The following WDR17 variants were observed in gnomAD, a reference collection of about 807,000 sequenced individuals.
WDR17 encodes WD repeat domain 17, also known as WD repeat-containing protein 17.
A neutral mutation model predicts 161.7 loss-of-function variants in WDR17; 143 were observed. That is an observed-to-expected ratio of 0.88 (90% CI 0.77 to 1.02). The LOEUF is 1.02. WDR17 is among the 50% of genes least tolerant of loss of function. WDR17 has a pLI of 0.00. For missense variants in WDR17, 1,469 were observed against 1,520.9 expected, an observed-to-expected ratio of 0.97 and a Z score of 0.57; for synonymous variants, 517 against 515.6, an observed-to-expected ratio of 1.00 and a Z score of -0.04.
chr4:176,144,328 C>A (rs1314831980), intron 11 of WDR17, among the ~76,000 whole-genome samples: 1 of 152,088 alleles, frequency 6.6e-6, no homozygotes, highest in African/African-American at 2.4e-5. Flanking sequence ...GGCTGTCTCA[C>A]CCTCTGAAAT....
intron 7 of WDR17, among the ~76,000 whole-genome samples, chr4:176,134,400 C>T (rs535262970): frequency 1.3e-5 from 2 of 151,894 alleles, no homozygotes; most frequent in South Asian, 2.1e-4. Context: ...ATGTTGGACT[C>T]TTAACGGATT....
chr4:176,121,709 A>G lies in WDR17; in HGVS notation c.538+1612A>G, dbSNP rs10000026. 8.5e-3 allele frequency among the ~76,000 whole-genome samples: 1,301 copies of G among 152,306 alleles called. 29 individuals carry two copies. Among genetic ancestry groups the G allele is most frequent in the African/African-American group, 0.029 (1,206 of 41,560 alleles). On this transcript the variant is annotated intron_variant, in intron 4 of 28. Coordinates refer to ENST00000508596, the MANE Select transcript of WDR17 (RefSeq NM_181265.4). The stretch of plus-strand genomic sequence containing the variant: ...TCATCTTTGAAAGTTTCAAGCCATA[A>G]GACATTGAGACTTTTTATTGTGTAT...
chr4:176,167,675 A>G (rs992481033), intron 22 of WDR17, among the ~76,000 whole-genome samples: 2 of 150,256 alleles, frequency 1.3e-5, no homozygotes, highest in South Asian at 2.1e-4. Context: ...AAAAAAAACA[A>G]TATCTTGAAT....
At chr4:176,103,218 G>T (rs1738099743) in intron 1 of WDR17, among the ~76,000 whole-genome samples, 1 of 152,096 alleles carries the variant, frequency 6.6e-6, no homozygotes, top group African/African-American at 2.4e-5. Context: ...ATGAACAGAG[G>T]ACACAGGTTC....
In WDR17 at chr4:176,119,964, A is replaced by G. The variant is rs371924905; in HGVS notation, c.405A>G (p.Pro135=). The G allele has an allele frequency of 6.2e-7, 1 of 1,614,100 alleles. No homozygotes were observed. Residue 135 remains proline, a synonymous_variant, in exon 4 of 29, where the codon CCA becomes CCG. Transcript: ENST00000508596. ...GPLFIWTISG[P]DSGVIVHKDA... ...TGTTCATTTGGACCATCTCAGGACC[A>G]GATAGTGGAGTGATTGTACACAAAG...
chr4:176,096,355 G>T, intron 1 of WDR17: 5 of 421,750 alleles, frequency 1.2e-5, no homozygotes, highest in South Asian at 7.6e-5. Context: ...AATTAAAATT[G>T]TTTCAGCTGA....
At chr4:176,142,272 A>G (rs747420747) in intron 11 of WDR17, among the ~76,000 whole-genome samples, 9 of 152,196 alleles carry the variant, frequency 5.9e-5, no homozygotes, top group Non-Finnish European at 8.8e-5. Context: ...ATGATTTACA[A>G]ATATTGATTT....
intron 3 of WDR17, 32 bp from the exon 4 acceptor site, chr4:176,119,834 CT>C: frequency 1.3e-6 from 2 of 1,571,860 alleles, no homozygotes; most frequent in Non-Finnish European, 1.8e-6. Context: ...TATGCTGTAT[CT>C]TTATTATGTA....
chr4:176,138,427 A>C (rs1258741274), intron 9 of WDR17, among the ~76,000 whole-genome samples: 1 of 151,668 alleles, frequency 6.6e-6, no homozygotes. Context: ...TTTTAGGAAA[A>C]CTTTAGAGAC....
At chr4:176,091,267 A>G (rs1468850478) in intron 1 of WDR17, among the ~76,000 whole-genome samples, 1 of 152,236 alleles carries the variant, frequency 6.6e-6, no homozygotes, top group African/African-American at 2.4e-5. Context: ...GTCTTAAAAA[A>G]TTCAAAAGAG....
rs567175281 is a variant in WDR17 at position 176,152,286 on chromosome 4, C to A, written c.2460+319C>A. Reference sequence around the variant, plus strand: ...CTCCAGCCTGGGCTACAGAAAGAGACCCTATCTCAAAAAAAAAAAAAAAAA... The same window carrying A: ...CTCCAGCCTGGGCTACAGAAAGAGAACCTATCTCAAAAAAAAAAAAAAAAA... On this transcript the variant is annotated intron_variant, in intron 17 of 28. Transcript: ENST00000508596. 1.2e-4 allele frequency among the ~76,000 whole-genome samples: 6 copies of A among 49,232 alleles called. No homozygotes were observed. In the South Asian group the frequency reaches 3.5e-3, roughly 29 times the overall value. 32.3% of individuals were successfully genotyped at this position (49,232 alleles called of 152,430 possible). A position where few individuals can be genotyped will look rare whatever the true frequency, so the allele number is the denominator to read the frequency against.
rs1214403053 is a variant in WDR17, at chr4:176,181,077, TAAC to T, written c.*1501_*1503del. The T allele has an allele frequency of 6.6e-6, 1 of 152,148 alleles. No individual in the cohort carries two copies. The highest frequency in any genetic ancestry group is 1.5e-5 in the Non-Finnish European group (1 of 68,014). The allele number at this position is 152,148 out of a possible 1,614,324, so 9.4% of individuals were successfully genotyped here. A position where few individuals can be genotyped will look rare whatever the true frequency, so the allele number is the denominator to read the frequency against. On this transcript the variant is annotated 3_prime_UTR_variant, in exon 29 of 29. Coordinates refer to ENST00000508596, the MANE Select transcript of WDR17 (RefSeq NM_181265.4). ...ATTTAAAATATTTTTAAAACCTTCT[TAAC>T]AAAACTTCTTAAAACTGGAAAAAAT...
At chr4:176,131,873 T>A in intron 7 of WDR17, 135 bp downstream of exon 7, 2 of 686,916 alleles carry the variant, frequency 2.9e-6, no homozygotes, top group Non-Finnish European at 4.3e-6. Flanking sequence ...TTGTAGCTGG[T>A]TGAAACATTT....
intron 13 of WDR17, among the ~76,000 whole-genome samples, chr4:176,148,737 A>G (rs1441986122): frequency 7.2e-5 from 11 of 152,218 alleles, no homozygotes; most frequent in Non-Finnish European, 1.5e-4. Context: ...AGTAGATACC[A>G]CTTATTTAAC....
intron 1 of WDR17, among the ~76,000 whole-genome samples, chr4:176,074,550 G>A (rs1386740924): frequency 1.3e-5 from 2 of 151,838 alleles, no homozygotes; most frequent in Non-Finnish European, 2.9e-5. Context: ...TCGATTTCCT[G>A]GGTTCACGTG....
rs1356069486 is a variant in WDR17, at chr4:176,120,079, C to T, written c.520C>T (p.Leu174=). ...KVVFGHIDGS[L]SIFHPGNKNQ... is the part of the protein sequence containing the mutation. ...TGTGTTTGGTCATATTGATGGAAGT[C>T]TATCAATTTTTCATCCAGGTAAGAA... The change falls in exon 4 of 29, where the codon CTA becomes TTA. Residue 174 remains leucine, a synonymous_variant. Transcript: ENST00000508596. The T allele has an allele frequency of 1.1e-5, 18 of 1,613,090 alleles. No individual in the cohort carries two copies. The highest frequency in any genetic ancestry group is 1.5e-5 in the Non-Finnish European group (18 of 1,179,456).
At chr4:176,096,214 A>G (rs1736833235) in intron 1 of WDR17, among the ~76,000 whole-genome samples, 1 of 152,094 alleles carries the variant, frequency 6.6e-6, no homozygotes, top group African/African-American at 2.4e-5. Context: ...TGTTTCTTAT[A>G]AAAGTTAAAT....
Position 176,177,176 on chromosome 4 carries a change from A to G in WDR17, c.3548+20A>G, listed in dbSNP as rs1276750182. On this transcript the variant is annotated intron_variant, in intron 27 of 28. Coordinates refer to ENST00000508596, the MANE Select transcript of WDR17 (RefSeq NM_181265.4). The stretch of plus-strand genomic sequence containing the variant: ...CAACAGGTGAGCAAATATGATATAA[A>G]AATTGGAATGCAGAAGGTATTTGAT... 3.1e-6 allele frequency: 5 copies of G among 1,597,986 alleles called. No individual in the cohort carries two copies. The Admixed American group carries it at 8.4e-5, about 27-fold the overall frequency.
chr4:176,134,819 A>T (rs1233362329), intron 7 of WDR17, among the ~76,000 whole-genome samples: 1 of 151,670 alleles, frequency 6.6e-6, no homozygotes, highest in Non-Finnish European at 1.5e-5. Context: ...TATCTTTTGC[A>T]CTGAATTGAA....
Sources: allele counts gnomAD v4.1 joint callset (sites outside exome capture counted in the v4.1 genomes callset), GRCh38; gene constraint gnomAD v4.1.1; transcripts MANE v1.5; gene names NCBI Gene and HGNC (gene_info 2026-07-23, HGNC 2026-07-21).